CSMD1: variants seen among roughly 807,000 people sequenced by gnomAD.
CSMD1 encodes the protein CUB and Sushi multiple domains 1.
CSMD1 carries 213 observed loss-of-function variants against 417.5 expected under a neutral mutation model. That is an observed-to-expected ratio of 0.51 (90% CI 0.46 to 0.57). CSMD1 has a LOEUF of 0.57. Among genes scored for constraint, CSMD1 ranks in the 20% least tolerant of loss-of-function variants. CSMD1 has a pLI of 0.00. For missense variants in CSMD1, 6,923 were observed against 4,529.7 expected, an observed-to-expected ratio of 1.53 and a Z score of -15.17; for synonymous variants, 2,862 against 1,736.8, an observed-to-expected ratio of 1.65 and a Z score of -16.11.
At chr8:3,133,943 G>C (rs886630597) in intron 41 of CSMD1, among the ~76,000 whole-genome samples, 1 of 152,194 alleles carries the variant, frequency 6.6e-6, no homozygotes, top group African/African-American at 2.4e-5. Context: ...GGGAGGCCGA[G>C]GCAGGCAGAT....
chr8:4,715,832 C>A (rs975526925), intron 1 of CSMD1, among the ~76,000 whole-genome samples: 1 of 152,206 alleles, frequency 6.6e-6, no homozygotes, highest in Non-Finnish European at 1.5e-5. Flanking sequence ...CTGGACCAAA[C>A]CAAAGTGGAC....
At chr8:4,164,719 T>C (rs184549421) in intron 3 of CSMD1, among the ~76,000 whole-genome samples, 3 of 152,140 alleles carry the variant, frequency 2.0e-5, no homozygotes, top group African/African-American at 7.2e-5. Context: ...AAGATTCAAG[T>C]ACTAAAAGTA....
At chr8:3,771,129 AC>A (rs1321781532) in intron 5 of CSMD1, among the ~76,000 whole-genome samples, 3 of 152,108 alleles carry the variant, frequency 2.0e-5, no homozygotes, top group Non-Finnish European at 4.4e-5. Context: ...CAAATTGTGA[AC>A]AAAAAATAAA....
intron 27 of CSMD1, among the ~76,000 whole-genome samples, chr8:3,228,900 G>A (rs762363331): frequency 2.0e-5 from 3 of 151,972 alleles, no homozygotes; most frequent in Non-Finnish European, 2.9e-5. Flanking sequence ...GCAGTCTCCC[G>A]GTGACTCAGC....
chr8:4,198,239 A>G (rs542483826), intron 3 of CSMD1, among the ~76,000 whole-genome samples: 1 of 152,346 alleles, frequency 6.6e-6, no homozygotes, highest in East Asian at 1.9e-4. Flanking sequence ...ACCACATCCC[A>G]TTAAGTTATC....
At chr8:4,356,553 T>A (rs572823225) in intron 3 of CSMD1, among the ~76,000 whole-genome samples, 1 of 152,326 alleles carries the variant, frequency 6.6e-6, no homozygotes, top group African/African-American at 2.4e-5. Flanking sequence ...TTAAATATGT[T>A]TCATTTTAAA....
At chr8:4,064,021 T>C (rs1476458245) in intron 3 of CSMD1, among the ~76,000 whole-genome samples, 1 of 152,206 alleles carries the variant, frequency 6.6e-6, no homozygotes, top group East Asian at 1.9e-4. Context: ...AAGCCTCAGA[T>C]GCTCAACTGA....
intron 49 of CSMD1, among the ~76,000 whole-genome samples, chr8:3,072,175 G>C (rs1813363348): frequency 6.6e-6 from 1 of 152,194 alleles, no homozygotes; most frequent in Admixed American, 6.5e-5. Flanking sequence ...CGGAGTCTAT[G>C]TCTGCACAGA....
chr8:3,917,903 TA>T (rs939921411), intron 5 of CSMD1, among the ~76,000 whole-genome samples: 3 of 152,270 alleles, frequency 2.0e-5, no homozygotes, highest in African/African-American at 7.2e-5. Flanking sequence ...AATGAAAATT[TA>T]AAGTTCTCAG....
At chr8:4,059,664 C>G (rs867269027) in intron 3 of CSMD1, among the ~76,000 whole-genome samples, 4 of 152,264 alleles carry the variant, frequency 2.6e-5, no homozygotes, top group African/African-American at 9.6e-5. Flanking sequence ...ACTACAAACA[C>G]CTCTACGCAA....
chr8:4,240,454 C>T (rs1802328552), intron 3 of CSMD1, among the ~76,000 whole-genome samples: 1 of 152,154 alleles, frequency 6.6e-6, no homozygotes, highest in African/African-American at 2.4e-5. Context: ...AACTTATTTC[C>T]ACATCTCAGA....
At chr8:4,203,707 C>T (rs1222557954) in intron 3 of CSMD1, among the ~76,000 whole-genome samples, 2 of 152,122 alleles carry the variant, frequency 1.3e-5, no homozygotes, top group Non-Finnish European at 2.9e-5. Context: ...CACAAACATA[C>T]ACACACATAC....
intron 5 of CSMD1, among the ~76,000 whole-genome samples, chr8:3,807,576 T>C (rs894413659): frequency 1.3e-5 from 2 of 152,198 alleles, no homozygotes; most frequent in South Asian, 2.1e-4. Context: ...ATAACAGACT[T>C]ACAAAGCCAC....
intron 18 of CSMD1, among the ~76,000 whole-genome samples, chr8:3,371,350 T>C (rs1318974480): frequency 2.0e-5 from 3 of 152,112 alleles, no homozygotes; most frequent in Non-Finnish European, 4.4e-5. Context: ...GGGGCAAAAA[T>C]CACAGCTCAT....
rs904715752 is a variant in CSMD1, at chr8:3,757,407, G to A, written c.819-3365C>T. Among the ~76,000 whole-genome samples, 13 of 152,310 alleles carry A rather than the reference G, an allele frequency of 8.5e-5. No homozygotes were observed. The East Asian group carries it at 2.5e-3, about 29-fold the overall frequency. The stretch of plus-strand genomic sequence containing the variant: ...CAATAACACTTTATTTACGGACACT[G>A]AGATTTTAATTTTTATACAATTTTT... On this transcript the variant is annotated intron_variant, in intron 5 of 69. Coordinates refer to ENST00000635120, the MANE Select transcript of CSMD1 (RefSeq NM_033225.6).
At chr8:3,038,731 T>C (rs948145777) in intron 50 of CSMD1, among the ~76,000 whole-genome samples, 4 of 152,192 alleles carry the variant, frequency 2.6e-5, no homozygotes, top group African/African-American at 9.6e-5. Context: ...CTAATTGCCC[T>C]AATTATAAAA....
At chr8:4,817,245 A>T (rs4292710) in intron 1 of CSMD1, among the ~76,000 whole-genome samples, 11,854 of 152,268 alleles carry the variant, frequency 0.078, 810 homozygotes, top group East Asian at 0.28. Flanking sequence ...TTAGTGAAAA[A>T]ATATGAAGAT....
At chr8:4,441,782 T>A (rs866657006) in intron 2 of CSMD1, among the ~76,000 whole-genome samples, 1 of 152,112 alleles carries the variant, frequency 6.6e-6, no homozygotes, top group Admixed American at 6.6e-5. Context: ...TAATCTTGGG[T>A]GTATCACAAG....
intron 5 of CSMD1, among the ~76,000 whole-genome samples, chr8:3,791,219 C>T (rs1361389902): frequency 6.6e-6 from 1 of 152,262 alleles, no homozygotes; most frequent in East Asian, 1.9e-4. Context: ...CATAAACTTC[C>T]ACCACCAAAA....
Sources: gnomAD v4.1 joint callset for allele counts (sites outside exome capture counted in the v4.1 genomes callset) on GRCh38, gnomAD v4.1.1 for gene constraint, MANE v1.5 for transcripts, NCBI Gene and HGNC (gene_info 2026-07-23, HGNC 2026-07-21) for gene names.